FHIT: variants seen among roughly 807,000 people sequenced by gnomAD.
The protein encoded by FHIT is fragile histidine triad diadenosine triphosphatase.
Under a neutral mutation model 17.9 loss-of-function variants are expected in FHIT, and 19 were observed. The observed-to-expected ratio is 1.06, with a 90% CI of 0.74 to 1.56. FHIT has a LOEUF of 1.56. FHIT is among the 40% of genes most tolerant of loss of function. The pLI, the probability that FHIT is intolerant of heterozygous loss-of-function variation, is 0.00. For missense variants in FHIT, 248 were observed against 189.2 expected (o/e 1.31, Z -1.82); for synonymous variants, 81 against 69.7 (o/e 1.16, Z -0.81).
intron 4 of FHIT, among the ~76,000 whole-genome samples, chr3:60,622,598 C>A (rs1346974212): frequency 6.6e-6 from 1 of 152,124 alleles, no homozygotes; most frequent in Non-Finnish European, 1.5e-5. Context: ...GCAAATAAAT[C>A]CAATGTCAAC....
chr3:59,953,903 G>A (rs1166264649), intron 7 of FHIT, among the ~76,000 whole-genome samples: 2 of 152,228 alleles, frequency 1.3e-5, no homozygotes, highest in East Asian at 1.9e-4. Flanking sequence ...TGTGGTGTGA[G>A]TCAGTTTGAG....
intron 5 of FHIT, among the ~76,000 whole-genome samples, chr3:60,529,566 T>C (rs1252734581): frequency 6.6e-6 from 1 of 152,238 alleles, no homozygotes; most frequent in Non-Finnish European, 1.5e-5. Context: ...CTTCTAATTA[T>C]ATTCCTTAGC....
At chr3:60,712,933 G>C (rs2041578607) in intron 4 of FHIT, among the ~76,000 whole-genome samples, 1 of 149,154 alleles carries the variant, frequency 6.7e-6, no homozygotes, top group Non-Finnish European at 1.5e-5. Context: ...GGACCTAATA[G>C]ACATCTACAG....
intron 5 of FHIT, among the ~76,000 whole-genome samples, chr3:60,278,720 C>CAA (rs34671935): frequency 2.1e-4 from 31 of 148,292 alleles, no homozygotes; most frequent in Admixed American, 8.0e-4. Context: ...AACCTCATAA[C>CAA]AAAAAAAAAA....
Position 60,394,562 on chromosome 3 carries a change from G to A in FHIT, c.103+142298C>T, listed in dbSNP as rs117009421. Among the ~76,000 whole-genome samples the A allele has an allele frequency of 1.7e-3, 259 of 152,234 alleles. 9 individuals carry two copies. The East Asian group carries it at 0.046, about 27-fold the overall frequency. ...GCCATGGTTAAGGACACAGGTACCTGCCTGGGTTCACATCCTGAACTGAGT... is the reference window on the plus strand; with the variant it reads ...GCCATGGTTAAGGACACAGGTACCTACCTGGGTTCACATCCTGAACTGAGT... On this transcript the variant is annotated intron_variant, in intron 5 of 9. Coordinates refer to ENST00000492590, the MANE Select transcript of FHIT (RefSeq NM_002012.4).
At chr3:61,139,376 T>G (rs771263667) in intron 2 of FHIT, among the ~76,000 whole-genome samples, 11 of 152,170 alleles carry the variant, frequency 7.2e-5, no homozygotes, top group Non-Finnish European at 1.3e-4. Flanking sequence ...ATGAACTGAA[T>G]GTCTGTGTCC....
chr3:60,728,241 C>A (rs1272905191), intron 4 of FHIT, among the ~76,000 whole-genome samples: 1 of 152,188 alleles, frequency 6.6e-6, no homozygotes, highest in African/African-American at 2.4e-5. Context: ...CTGAAATACA[C>A]TATTTCTCAA....
chr3:60,123,967 A>ATATATATATATATATATATATATAT (rs1705378774), intron 5 of FHIT, among the ~76,000 whole-genome samples: 1 of 27,788 alleles, frequency 3.6e-5, no homozygotes, highest in Non-Finnish European at 6.3e-5. Flanking sequence ...ATGCACTAAA[A>ATATATATATATATATATATATATAT]ATATATATAT....
chr3:61,105,668 C>T (rs1243276977), intron 2 of FHIT, among the ~76,000 whole-genome samples: 1 of 152,122 alleles, frequency 6.6e-6, no homozygotes, highest in Non-Finnish European at 1.5e-5. Flanking sequence ...ACCTATTTTT[C>T]CTCAAAAGCC....
At chr3:60,934,636 T>A (rs1336327689) in intron 3 of FHIT, among the ~76,000 whole-genome samples, 22 of 152,212 alleles carry the variant, frequency 1.4e-4, no homozygotes, top group African/African-American at 5.3e-4. Flanking sequence ...ATTTTCTCCA[T>A]TTTAAAGAGG....
intron 5 of FHIT, among the ~76,000 whole-genome samples, chr3:60,378,911 C>T (rs145012191): frequency 6.6e-6 from 1 of 152,256 alleles, no homozygotes; most frequent in East Asian, 1.9e-4. Context: ...AAAAATAAAG[C>T]ACTAACAAGG....
At chr3:59,926,020 C>T (rs947536405) in intron 7 of FHIT, among the ~76,000 whole-genome samples, 3 of 152,202 alleles carry the variant, frequency 2.0e-5, no homozygotes, top group South Asian at 2.1e-4. Context: ...GCCAACAAAA[C>T]ATCTATTTAA....
chr3:60,258,171 C>T (rs1027986057), intron 5 of FHIT, among the ~76,000 whole-genome samples: 7 of 151,870 alleles, frequency 4.6e-5, no homozygotes, highest in Non-Finnish European at 8.8e-5. Flanking sequence ...ATTGCCACCT[C>T]CAAATATTAC....
At chr3:60,928,910 A>G (rs1342618278) in intron 3 of FHIT, among the ~76,000 whole-genome samples, 1 of 152,100 alleles carries the variant, frequency 6.6e-6, no homozygotes, top group South Asian at 2.1e-4. Flanking sequence ...GAGACACAAC[A>G]AAAAAAGACA....
At chr3:60,474,672 G>A (rs2033256281) in intron 5 of FHIT, among the ~76,000 whole-genome samples, 2 of 150,142 alleles carry the variant, frequency 1.3e-5, no homozygotes, top group African/African-American at 2.5e-5. Flanking sequence ...CACCCAGGCT[G>A]GAGTGCAGTG....
chr3:60,289,141 A>C (rs1707863532), intron 5 of FHIT, among the ~76,000 whole-genome samples: 1 of 152,236 alleles, frequency 6.6e-6, no homozygotes, highest in African/African-American at 2.4e-5. Context: ...AGGAGGAAAG[A>C]AGAATAAGAA....
chr3:60,571,335 C>CAATAAAAAAAAAAAAAA, intron 4 of FHIT, among the ~76,000 whole-genome samples: 1 of 54,672 alleles, frequency 1.8e-5, no homozygotes, highest in Non-Finnish European at 3.2e-5. Context: ...GACTCCATCG[C>CAATAAAAAAAAAAAAAA]AAAAAAAAAA....
At chr3:60,893,272 T>A (rs1166101613) in intron 3 of FHIT, among the ~76,000 whole-genome samples, 1 of 152,212 alleles carries the variant, frequency 6.6e-6, no homozygotes, top group Non-Finnish European at 1.5e-5. Flanking sequence ...AAGTTTCCAC[T>A]CTTCATCAAA....
rs1052353094 is a variant in FHIT, at chr3:59,861,810, A to G, written c.348+60536T>C. On this transcript the variant is annotated intron_variant, in intron 8 of 9. Transcript: ENST00000492590. ...ATGCCAAAAAGTTAAATAGTAAACA[A>G]TACAGCTGAGGAAGAAATTATGAAC... Among the ~76,000 whole-genome samples, 21 of 152,314 alleles carry G rather than the reference A, an allele frequency of 1.4e-4. No individual in the cohort carries two copies. In the East Asian group the frequency reaches 2.3e-3, roughly 17 times the overall value.
Sources: allele counts gnomAD v4.1 joint callset (sites outside exome capture counted in the v4.1 genomes callset), GRCh38; gene constraint gnomAD v4.1.1; transcripts MANE v1.5; gene names NCBI Gene and HGNC (gene_info 2026-07-23, HGNC 2026-07-21).